REV3L: variants seen among roughly 807,000 people sequenced by gnomAD.
REV3L encodes REV3 like, DNA directed polymerase zeta catalytic subunit.
A neutral mutation model predicts 299.4 loss-of-function variants in REV3L; 69 were observed. The ratio of observed to expected loss-of-function variants is 0.23; its 90% CI spans 0.19 to 0.28. REV3L has a LOEUF of 0.28. Among genes scored for constraint, REV3L ranks in the 10% least tolerant of loss-of-function variants. The probability of loss-of-function intolerance (pLI) is 1.00; values close to 1 mark genes in which losing one functional copy is unlikely to be tolerated. For synonymous variants in REV3L, 1,238 were observed against 1,271.4 expected (o/e 0.97, Z 0.56); for missense variants, 3,128 against 3,693.8 (o/e 0.85, Z 3.97).
chr6:111,399,409 G>T (rs937822644), intron 4 of REV3L, among the ~76,000 whole-genome samples: 5 of 152,036 alleles, frequency 3.3e-5, no homozygotes, highest in African/African-American at 1.2e-4. Context: ...TCAAAACAAA[G>T]AAACTGACAC....
chr6:111,351,533 A>G, intron 19 of REV3L, 143 bp downstream of exon 19: 1 of 517,592 alleles, frequency 1.9e-6, no homozygotes, highest in Non-Finnish European at 3.5e-6. Flanking sequence ...TTTTTCTACA[A>G]TGGAGTTATG....
chr6:111,342,474 C>G (rs879322411), intron 21 of REV3L, among the ~76,000 whole-genome samples: 88 of 152,212 alleles, frequency 5.8e-4, no homozygotes, highest in Non-Finnish European at 9.9e-4. Context: ...CGAGCCCATC[C>G]TGGCTAACAT....
At position 111,374,021 on chromosome 6, in the gene REV3L, C is replaced by T. The variant is rs2115073506; in HGVS notation, c.4334G>A (p.Gly1445Glu). ...QSKHSETCSP[G>E]NTASEESQMP... ...TTGGCTTTCCTCTGAAGCTGTATTT[C>T]CCGGAGAACAAGTTTCACTGTGCTT... Residue 1445 changes from glycine to glutamate, a missense_variant, in exon 13 of 32, where the codon GGA (glycine) becomes GAA (glutamate). Gly to Glu is a moderately conservative substitution (Grantham distance 98). Coordinates refer to ENST00000368802, the MANE Select transcript of REV3L (RefSeq NM_001372078.1). The T allele has an allele frequency of 6.2e-7, 1 of 1,614,130 alleles. No individual in the cohort carries two copies. The highest frequency in any genetic ancestry group is 8.5e-7 in the Non-Finnish European group (1 of 1,179,998).
At chr6:111,474,509 C>T (rs1792667697) in intron 1 of REV3L, among the ~76,000 whole-genome samples, 1 of 152,206 alleles carries the variant, frequency 6.6e-6, no homozygotes, top group African/African-American at 2.4e-5. Context: ...GTAAGGCACA[C>T]CTCATTTAAT....
chr6:111,394,896 T>G (rs1167045925), intron 4 of REV3L, among the ~76,000 whole-genome samples: 1 of 151,826 alleles, frequency 6.6e-6, no homozygotes. Flanking sequence ...TTGACTATCT[T>G]GCACAGGCTG....
At chr6:111,321,860 G>C (rs767269578) in intron 26 of REV3L, among the ~76,000 whole-genome samples, 6 of 152,066 alleles carry the variant, frequency 3.9e-5, no homozygotes, top group Non-Finnish European at 2.9e-5. Context: ...AAATTTCACT[G>C]TAAGAAATTT....
At chr6:111,359,519 T>C (rs1257888392) in intron 16 of REV3L, among the ~76,000 whole-genome samples, 1 of 21,486 alleles carries the variant, frequency 4.7e-5, no homozygotes, top group Non-Finnish European at 1.1e-4. Context: ...TAGTTTTTCC[T>C]GAAAAAAAAA....
intron 1 of REV3L, among the ~76,000 whole-genome samples, chr6:111,482,068 GCA>G (rs1562382767): frequency 1.3e-5 from 2 of 152,258 alleles, no homozygotes; most frequent in Non-Finnish European, 2.9e-5. Flanking sequence ...TTCCATGGAT[GCA>G]CATTTCCTGA....
At chr6:111,427,126 T>C (rs1786269922) in intron 1 of REV3L, among the ~76,000 whole-genome samples, 1 of 152,216 alleles carries the variant, frequency 6.6e-6, no homozygotes, top group African/African-American at 2.4e-5. Context: ...ACAAACTTAC[T>C]GTCTGGTCAA....
intron 3 of REV3L, among the ~76,000 whole-genome samples, chr6:111,408,213 G>T (rs1783853584): frequency 6.6e-6 from 1 of 152,156 alleles, no homozygotes; most frequent in Admixed American, 6.5e-5. Context: ...AGGAGAGAAT[G>T]GATGTAAATG....
intron 1 of REV3L, 70 bp downstream of exon 1, chr6:111,482,680 G>C (rs1583166694): frequency 9.9e-7 from 1 of 1,011,934 alleles, no homozygotes; most frequent in East Asian, 6.1e-5. Context: ...GTGCGCGTGT[G>C]CGCGGCGGGG....
intron 1 of REV3L, among the ~76,000 whole-genome samples, chr6:111,477,511 T>C (rs1034743316): frequency 7.2e-5 from 11 of 152,090 alleles, no homozygotes; most frequent in Non-Finnish European, 1.6e-4. Flanking sequence ...AAAAACATTC[T>C]CAGCAGGGGC....
At chr6:111,450,173 C>G (rs1453838129) in intron 1 of REV3L, among the ~76,000 whole-genome samples, 3 of 151,980 alleles carry the variant, frequency 2.0e-5, no homozygotes, top group Non-Finnish European at 4.4e-5. Context: ...CAGAAAAAGC[C>G]TGAAAATACA....
At position 111,482,988 on chromosome 6, in the gene REV3L, T is replaced by G; in HGVS notation, c.-100A>C. 7.5e-7 allele frequency: 1 copy of G among 1,333,734 alleles called. No homozygotes were observed. Among genetic ancestry groups the G allele is most frequent in the Non-Finnish European group, 9.8e-7 (1 of 1,025,448 alleles). The allele number at this position is 1,333,734 out of a possible 1,614,324, so 82.6% of individuals were successfully genotyped here. ...GCAGCGGCGGCGGCGCCCCCTCCCC[T>G]TCTCGGCACGGCCCCCTCCCCTCAC... On this transcript the variant is annotated 5_prime_UTR_variant, in exon 1 of 32. Coordinates refer to ENST00000368802, the MANE Select transcript of REV3L (RefSeq NM_001372078.1).
intron 10 of REV3L, among the ~76,000 whole-genome samples, chr6:111,380,962 G>C (rs779987773): frequency 1.3e-5 from 2 of 152,186 alleles, no homozygotes; most frequent in Non-Finnish European, 2.9e-5. Flanking sequence ...AGCCACCCGT[G>C]TTTCCTCCGG....
In REV3L at chr6:111,367,662, G is replaced by A; in HGVS notation, c.6126C>T (p.Asn2042=). 1.9e-6 allele frequency: 3 copies of A among 1,614,200 alleles called. No homozygotes were observed. The highest frequency in any genetic ancestry group is 2.5e-6 in the Non-Finnish European group (3 of 1,180,038). ...GAGGCACTACAGGTTTGTCATCTGG[G>A]TTAACTGAAGAGCTAAAGTTCTCAG... The part of the protein sequence containing the change: ...KSAENFSSSV[N]PDDKPVVPPK... The change falls in exon 14 of 32, where the codon AAC becomes AAT. Residue 2042 remains asparagine (N), a synonymous_variant. Transcript: ENST00000368802.
chr6:111,426,259 A>T (rs903692088), intron 1 of REV3L, among the ~76,000 whole-genome samples: 2 of 152,226 alleles, frequency 1.3e-5, no homozygotes, highest in Non-Finnish European at 2.9e-5. Flanking sequence ...TGTTACTGTA[A>T]AACTGATGCA....
At chr6:111,363,681 T>TTG (rs1778925568) in intron 16 of REV3L, among the ~76,000 whole-genome samples, 172 bp downstream of exon 16, 1 of 152,138 alleles carries the variant, frequency 6.6e-6, no homozygotes, top group Non-Finnish European at 1.5e-5. Context: ...AGTTTATGTA[T>TTG]TGTACATAAA....
At chr6:111,430,929 T>C in intron 1 of REV3L, 3 of 1,596,422 alleles carry the variant, frequency 1.9e-6, no homozygotes, top group Non-Finnish European at 2.6e-6. Flanking sequence ...TACTGCCCTG[T>C]GAGACTGGGA....
Sources: gnomAD v4.1 joint callset for allele counts (sites outside exome capture counted in the v4.1 genomes callset) on GRCh38, gnomAD v4.1.1 for gene constraint, MANE v1.5 for transcripts, NCBI Gene and HGNC (gene_info 2026-07-23, HGNC 2026-07-21) for gene names.